The following MTUS1 variants were observed in gnomAD, a reference collection of about 807,000 sequenced individuals.
MTUS1 encodes microtubule-associated tumor suppressor 1.
MTUS1 carries 109 observed loss-of-function variants against 120.8 expected under a neutral mutation model. The ratio of observed to expected loss-of-function variants is 0.90; its 90% CI spans 0.77 to 1.06. MTUS1 has a LOEUF of 1.06. MTUS1 is among the 50% of genes least tolerant of loss of function. MTUS1 has a pLI of 0.00. For synonymous variants in MTUS1, 737 were observed against 550.5 expected (o/e 1.34, Z -4.74); for missense variants, 2,210 against 1,486.3 (o/e 1.49, Z -8.01).
chr8:17,789,349 A>G (rs564883344), intron 1 of MTUS1, among the ~76,000 whole-genome samples: 24 of 152,256 alleles, frequency 1.6e-4, no homozygotes, highest in Middle Eastern at 3.4e-3. Flanking sequence ...TTTTTAAATT[A>G]TATGCAGTTA....
chr8:17,651,388 T>C (rs961243935), intron 12 of MTUS1, among the ~76,000 whole-genome samples: 4 of 152,090 alleles, frequency 2.6e-5, no homozygotes, highest in Non-Finnish European at 4.4e-5. Context: ...TGATGACGGA[T>C]ACCCTAAATA....
At chr8:17,714,718 G>C (rs548198359) in intron 5 of MTUS1, among the ~76,000 whole-genome samples, 6 of 152,076 alleles carry the variant, frequency 3.9e-5, no homozygotes, top group African/African-American at 1.4e-4. Context: ...GAGGAAAAAA[G>C]TCACAAGGAA....
In MTUS1 at chr8:17,755,733, A is replaced by G; in HGVS notation, c.75T>C (p.Asn25=). The change falls in exon 2 of 15, where the codon AAT becomes AAC. Residue 25 remains asparagine, a synonymous_variant. Coordinates refer to ENST00000693296, the MANE Select transcript of MTUS1 (RefSeq NM_001363059.2). ...QTFFTSDKDG[N]THAYNPKSPP... Reference sequence around the variant, plus strand: ...GTGATTTCGGGTTGTATGCATGTGTATTTCCATCTTTATCACTGGTAAAGA... The same window carrying G: ...GTGATTTCGGGTTGTATGCATGTGTGTTTCCATCTTTATCACTGGTAAAGA... The G allele has an allele frequency of 6.2e-7, 1 of 1,614,128 alleles. No homozygotes were observed. Among genetic ancestry groups the G allele is most frequent in the Non-Finnish European group, 8.5e-7 (1 of 1,180,018 alleles).
chr8:17,647,468 A>AAT (rs1174648497), intron 13 of MTUS1, among the ~76,000 whole-genome samples: 2 of 152,088 alleles, frequency 1.3e-5, no homozygotes, highest in Non-Finnish European at 2.9e-5. Flanking sequence ...GAAAAAAAAA[A>AAT]AAAAAGATTC....
intron 4 of MTUS1, chr8:17,721,804 C>T (rs753164994): frequency 1.9e-6 from 3 of 1,614,142 alleles, no homozygotes; most frequent in South Asian, 2.2e-5. Flanking sequence ...ATCATAGTGC[C>T]TCTCTGAACC....
chr8:17,743,481 G>A, intron 3 of MTUS1, 123 bp downstream of exon 3: 2 of 877,172 alleles, frequency 2.3e-6, no homozygotes, highest in Non-Finnish European at 3.5e-6. Flanking sequence ...TACCTCCTGT[G>A]CTCAGGATGC....
At chr8:17,722,802 C>A (rs971122931) in intron 4 of MTUS1, among the ~76,000 whole-genome samples, 3 of 152,096 alleles carry the variant, frequency 2.0e-5, no homozygotes, top group African/African-American at 7.2e-5. Flanking sequence ...TATGGACATC[C>A]TAAAGTACTG....
At chr8:17,736,536 C>A (rs188266555) in intron 3 of MTUS1, among the ~76,000 whole-genome samples, 1 of 152,152 alleles carries the variant, frequency 6.6e-6, no homozygotes, top group East Asian at 1.9e-4. Context: ...CTTGACCAAC[C>A]GTTTAAAAAT....
chr8:17,703,004 C>T (rs1439550423), intron 6 of MTUS1, among the ~76,000 whole-genome samples: 2 of 152,142 alleles, frequency 1.3e-5, no homozygotes, highest in African/African-American at 4.8e-5. Flanking sequence ...ATGTACGTCA[C>T]CTCAGGACCC....
At chr8:17,782,033 G>A (rs416504) in intron 1 of MTUS1, among the ~76,000 whole-genome samples, 1 of 152,044 alleles carries the variant, frequency 6.6e-6, no homozygotes, top group Admixed American at 6.5e-5. Context: ...CAGACCCAAG[G>A]CTGGGCTCCC....
intron 3 of MTUS1, among the ~76,000 whole-genome samples, chr8:17,728,820 C>G (rs2046381015): frequency 6.6e-6 from 1 of 152,074 alleles, no homozygotes; most frequent in Non-Finnish European, 1.5e-5. Context: ...TTAGCATTTA[C>G]ATCAGAACTT....
At chr8:17,717,081 C>G (rs776386689) in intron 4 of MTUS1, among the ~76,000 whole-genome samples, 8 of 152,188 alleles carry the variant, frequency 5.3e-5, no homozygotes, top group Non-Finnish European at 8.8e-5. Context: ...AGTGCTTATA[C>G]ACATCACATT....
intron 1 of MTUS1, among the ~76,000 whole-genome samples, chr8:17,761,848 T>C (rs981920752): frequency 1.3e-5 from 2 of 152,240 alleles, no homozygotes; most frequent in African/African-American, 4.8e-5. Context: ...TAAAAGTTTT[T>C]AAGAACTCAC....
intron 8 of MTUS1, among the ~76,000 whole-genome samples, chr8:17,661,182 C>T (rs774609961): frequency 1.3e-5 from 2 of 152,128 alleles, no homozygotes; most frequent in African/African-American, 4.8e-5. Flanking sequence ...GAAGGCTCCT[C>T]GTGTGAATCT....
rs557455997 is a variant in MTUS1, at chr8:17,794,436, C to A, written c.-155+6625G>T. On this transcript the variant is annotated intron_variant, in intron 1 of 14. Transcript: ENST00000693296. ...TACATGAAATATAAGCCTAACTATA[C>A]ACTACGTATAAATGACTTGGTTCTG... is the stretch of plus-strand genomic sequence containing the variant. Among the ~76,000 whole-genome samples, 21 of 152,248 alleles carry A rather than the reference C, an allele frequency of 1.4e-4. 2 individuals are homozygous for A. The South Asian group carries it at 4.4e-3, about 32-fold the overall frequency.
chr8:17,790,238 C>T (rs2051659072), intron 1 of MTUS1, among the ~76,000 whole-genome samples: 2 of 151,638 alleles, frequency 1.3e-5, no homozygotes, highest in Non-Finnish European at 2.9e-5. Flanking sequence ...GTCCCAGCTA[C>T]TCGGGAGGCT....
At chr8:17,697,687 G>A in intron 6 of MTUS1, 1 of 1,027,090 alleles carries the variant, frequency 9.7e-7, no homozygotes, top group Non-Finnish European at 1.2e-6. Context: ...TTGTGGAGTT[G>A]TTATGGTTTT....
chr8:17,782,734 G>A (rs1450976924), intron 1 of MTUS1, among the ~76,000 whole-genome samples: 1 of 152,138 alleles, frequency 6.6e-6, no homozygotes. Flanking sequence ...AGTCTACAGT[G>A]TAAAAAATGT....
Position 17,649,903 on chromosome 8 carries a change from C to T in MTUS1, c.3444G>A (p.Glu1148=). ...QELESLKAVL[E]IKNEKLHQQD... is the part of the protein sequence containing the mutation. ...GTTGATGCAGTTTCTCATTCTTGATCTCTAACACAGCTTTCAGGCTTTCTA... is the reference window on the plus strand; with the variant it reads ...GTTGATGCAGTTTCTCATTCTTGATTTCTAACACAGCTTTCAGGCTTTCTA... Residue 1148 remains glutamate, a synonymous_variant, in exon 13 of 15, where the codon GAG becomes GAA. Transcript: ENST00000693296. 6.2e-7 allele frequency: 1 copy of T among 1,612,600 alleles called. No homozygotes were observed. Among genetic ancestry groups the T allele is most frequent in the East Asian group, 2.2e-5 (1 of 44,802 alleles).
Sources: allele counts gnomAD v4.1 joint callset (sites outside exome capture counted in the v4.1 genomes callset), GRCh38; gene constraint gnomAD v4.1.1; transcripts MANE v1.5; gene names NCBI Gene and HGNC (gene_info 2026-07-23, HGNC 2026-07-21).